The following ZDHHC11B variants were observed in gnomAD, a reference collection of about 807,000 sequenced individuals.
ZDHHC11B encodes zDHHC palmitoyltransferase 11B (putative).
ZDHHC11B carries 17 observed loss-of-function variants against 42.3 expected under a neutral mutation model. The ratio of observed to expected loss-of-function variants is 0.40; its 90% CI spans 0.27 to 0.60. The LOEUF (loss-of-function observed/expected upper bound fraction) is 0.60, where lower values mean the gene tolerates loss of function less well. Among genes scored for constraint, ZDHHC11B ranks in the 20% least tolerant of loss-of-function variants. ZDHHC11B has a pLI of 0.41. For synonymous variants in ZDHHC11B, 123 were observed against 193.5 expected (o/e 0.64, Z 3.02); for missense variants, 262 against 463.2 (o/e 0.57, Z 3.99).
At chr5:779,301 T>C (rs1045205511) in intron 1 of ZDHHC11B, among the ~76,000 whole-genome samples, 2 of 149,372 alleles carry the variant, frequency 1.3e-5, no homozygotes, top group African/African-American at 5.0e-5. Context: ...GGGGAATGCG[T>C]CCCTGTTGTG....
At chr5:767,152 T>G (rs1735550605) in intron 3 of ZDHHC11B, among the ~76,000 whole-genome samples, 1 of 151,958 alleles carries the variant, frequency 6.6e-6, no homozygotes, top group Non-Finnish European at 1.5e-5. Flanking sequence ...AATCTGACCC[T>G]GGCCAGAGCC....
At chr5:754,505 C>A (rs1372894408) in intron 6 of ZDHHC11B, among the ~76,000 whole-genome samples, 1 of 80,908 alleles carries the variant, frequency 1.2e-5, no homozygotes, top group Non-Finnish European at 2.3e-5. Context: ...CTCTTCCTTG[C>A]ATCTCCACCG....
chr5:726,224 T>A (rs1250601719), intron 12 of ZDHHC11B, among the ~76,000 whole-genome samples: 11 of 151,644 alleles, frequency 7.3e-5, no homozygotes, highest in African/African-American at 2.4e-4. Context: ...ACTTTCCCCG[T>A]GTGGCAAAGC....
At chr5:777,739 T>C (rs76259938) in intron 1 of ZDHHC11B, among the ~76,000 whole-genome samples, 3,402 of 151,460 alleles carry the variant, frequency 0.022, 55 homozygotes, top group Middle Eastern at 0.051. Context: ...AAGCCCCCAC[T>C]CCACTCAGGA....
At chr5:729,295 G>T (rs1360857553) in intron 12 of ZDHHC11B, among the ~76,000 whole-genome samples, 1 of 151,176 alleles carries the variant, frequency 6.6e-6, no homozygotes, top group African/African-American at 2.4e-5. Context: ...TTGGCCATCT[G>T]GCCCCCCTGA....
intron 4 of ZDHHC11B, among the ~76,000 whole-genome samples, chr5:763,166 A>G (rs439874): frequency 0.84 from 127,381 of 151,514 alleles, 53,908 homozygotes; most frequent in East Asian, 0.97. Context: ...TCAGGAGTTC[A>G]AGACCAGACT....
Position 733,943 on chromosome 5 carries a change from G to T in ZDHHC11B, c.936-104C>A. On this transcript the variant is annotated intron_variant, in intron 10 of 13. Transcript: ENST00000508859. Reference sequence around the variant, plus strand: ...GTCGTGTCAGCACCACTGCTGTGGGGCACACATGTCTCAAAAACTTGTAGA... The same window carrying T: ...GTCGTGTCAGCACCACTGCTGTGGGTCACACATGTCTCAAAAACTTGTAGA... 5.8e-6 allele frequency: 6 copies of T among 1,029,972 alleles called. No homozygotes were observed. In the South Asian group the frequency reaches 8.5e-5, roughly 15 times the overall value. 63.8% of individuals were successfully genotyped at this position (1,029,972 alleles called of 1,614,324 possible).
At chr5:775,497 C>T (rs556410471) in intron 1 of ZDHHC11B, among the ~76,000 whole-genome samples, 2 of 152,096 alleles carry the variant, frequency 1.3e-5, no homozygotes, top group South Asian at 4.2e-4. Context: ...TGGGAAGGGA[C>T]CAGGCTGGGA....
intron 1 of ZDHHC11B, among the ~76,000 whole-genome samples, chr5:774,053 C>T (rs11741314): frequency 0.2 from 29,357 of 148,566 alleles, 2,548 homozygotes; most frequent in Middle Eastern, 0.3. Context: ...ATGCCTGTCC[C>T]AGGTGTGTCA....
intron 1 of ZDHHC11B, among the ~76,000 whole-genome samples, chr5:776,046 G>T (rs560189918): frequency 6.7e-6 from 1 of 149,830 alleles, no homozygotes; most frequent in Non-Finnish European, 1.5e-5. Flanking sequence ...TGGGTGTACT[G>T]CCGCTGGGCT....
intron 4 of ZDHHC11B, among the ~76,000 whole-genome samples, chr5:760,409 G>A (rs146449805): frequency 1.3e-4 from 19 of 151,798 alleles, no homozygotes; most frequent in African/African-American, 4.1e-4. Context: ...GTGTGAACAC[G>A]AGAAGACGAG....
At chr5:736,292 C>A (rs1472778719) in intron 10 of ZDHHC11B, among the ~76,000 whole-genome samples, 1 of 149,784 alleles carries the variant, frequency 6.7e-6, no homozygotes, top group Non-Finnish European at 1.5e-5. Context: ...TATATATGCA[C>A]CTAACGAGGA....
chr5:735,905 A>C (rs1743460855), intron 10 of ZDHHC11B, among the ~76,000 whole-genome samples: 1 of 148,426 alleles, frequency 6.7e-6, no homozygotes, highest in South Asian at 2.3e-4. Context: ...ACAGTAACAC[A>C]AATTAAAAAA....
chr5:775,515 G>A (rs1184455924), intron 1 of ZDHHC11B, among the ~76,000 whole-genome samples: 1 of 151,926 alleles, frequency 6.6e-6, no homozygotes, highest in Non-Finnish European at 1.5e-5. Flanking sequence ...GGAACATCAG[G>A]CACGCACGCC....
intron 1 of ZDHHC11B, among the ~76,000 whole-genome samples, chr5:775,030 C>G (rs1280030786): frequency 6.6e-6 from 1 of 151,944 alleles, no homozygotes; most frequent in South Asian, 2.1e-4. Flanking sequence ...AAGCTGGAGG[C>G]AGGAGCCATG....
intron 10 of ZDHHC11B, among the ~76,000 whole-genome samples, chr5:740,569 GAC>G (rs1348531664): frequency 1.1e-4 from 13 of 119,666 alleles, no homozygotes; most frequent in African/African-American, 3.6e-4. Flanking sequence ...CAGCCTGGGT[GAC>G]AGAGTGAAAT....
chr5:749,013 G>A (rs1458738814), intron 7 of ZDHHC11B, among the ~76,000 whole-genome samples: 12 of 47,796 alleles, frequency 2.5e-4, no homozygotes, highest in East Asian at 1.5e-3. Flanking sequence ...CTAAGTGCTG[G>A]GGTCACAGTG....
At chr5:760,608 G>A (rs1188694513) in intron 4 of ZDHHC11B, among the ~76,000 whole-genome samples, 1 of 151,844 alleles carries the variant, frequency 6.6e-6, no homozygotes, top group Non-Finnish European at 1.5e-5. Flanking sequence ...GATGCTGAGG[G>A]AGAGAGACAG....
In ZDHHC11B at chr5:719,671, G is replaced by A. The variant is rs145633597; in HGVS notation, c.1059-2806C>T. ...AAAGAGGATAAACAGAGCTTGAAAG[G>A]TTTGTTAGACACCATCAAGGGTACC... On this transcript the variant is annotated intron_variant, in intron 12 of 13. Coordinates refer to ENST00000508859, the MANE Select transcript of ZDHHC11B (RefSeq NM_001351303.2). 2.2e-4 allele frequency among the ~76,000 whole-genome samples: 33 copies of A among 151,340 alleles called. 1 individual carries two copies. The highest frequency in any genetic ancestry group is 7.5e-4 in the African/African-American group (31 of 41,116).
Sources: allele counts gnomAD v4.1 joint callset (sites outside exome capture counted in the v4.1 genomes callset), GRCh38; gene constraint gnomAD v4.1.1; transcripts MANE v1.5; gene names NCBI Gene and HGNC (gene_info 2026-07-23, HGNC 2026-07-21).